The following ATG7 variants were observed in gnomAD, a reference collection of about 807,000 sequenced individuals.
ATG7 encodes autophagy related 7.
ATG7 carries 70 observed loss-of-function variants against 82.4 expected under a neutral mutation model. That is an observed-to-expected ratio of 0.85 (90% CI 0.70 to 1.04). ATG7 has a LOEUF of 1.04. ATG7 is among the 50% of genes least tolerant of loss of function. ATG7 has a pLI of 0.00. For synonymous variants in ATG7, 287 were observed against 313.0 expected, an observed-to-expected ratio of 0.92 and a Z score of 0.88; for missense variants, 792 against 864.3, an observed-to-expected ratio of 0.92 and a Z score of 1.05.
chr3:11,519,448 C>A (rs1457419588), intron 20 of ATG7, among the ~76,000 whole-genome samples: 1 of 139,022 alleles, frequency 7.2e-6, no homozygotes, highest in African/African-American at 2.6e-5. Context: ...CTGACTCTTT[C>A]TTTCTCAGTG....
chr3:11,366,489 A>G (rs1223861772), intron 18 of ATG7, among the ~76,000 whole-genome samples: 1 of 152,132 alleles, frequency 6.6e-6, no homozygotes, highest in African/African-American at 2.4e-5. Flanking sequence ...ATCATAAGGA[A>G]GCTGATCTCC....
rs116359432 is a variant in ATG7, at chr3:11,319,533, C to T, written c.678+4040C>T. 3.7e-3 allele frequency among the ~76,000 whole-genome samples: 568 copies of T among 152,322 alleles called. 7 individuals are homozygous for T. The highest frequency in any genetic ancestry group is 0.013 in the African/African-American group (544 of 41,582). On this transcript the variant is annotated intron_variant, in intron 9 of 20. Coordinates refer to ENST00000693202, the MANE Select transcript of ATG7 (RefSeq NM_001349232.2). ...CTTCTGGGTTATCTCATTGTGCCTA[C>T]AACTCCAGAAACCATTTCCTCCCAA...
chr3:11,422,272 T>TA (rs569447857), intron 19 of ATG7, among the ~76,000 whole-genome samples: 92 of 152,344 alleles, frequency 6.0e-4, no homozygotes, highest in African/African-American at 2.1e-3. Context: ...TCATCTATGT[T>TA]AAAAATCTGT....
At chr3:11,295,475 C>T (rs1161441627) in intron 3 of ATG7, among the ~76,000 whole-genome samples, 1 of 152,066 alleles carries the variant, frequency 6.6e-6, no homozygotes, top group Non-Finnish European at 1.5e-5. Flanking sequence ...ACTAACCTGC[C>T]CCACTGGAAC....
chr3:11,294,580 CA>C (rs1559340747), intron 3 of ATG7, among the ~76,000 whole-genome samples: 1 of 152,152 alleles, frequency 6.6e-6, no homozygotes, highest in East Asian at 1.9e-4. Context: ...AATTAAAAGC[CA>C]AAAAATATTT....
At chr3:11,343,714 G>A (rs954305476) in intron 13 of ATG7, among the ~76,000 whole-genome samples, 3 of 152,072 alleles carry the variant, frequency 2.0e-5, no homozygotes, top group African/African-American at 7.2e-5. Context: ...TGGATTGTTA[G>A]TTGTTTTAAT....
At chr3:11,473,932 T>C (rs1444917365) in intron 20 of ATG7, among the ~76,000 whole-genome samples, 1 of 152,210 alleles carries the variant, frequency 6.6e-6, no homozygotes, top group Non-Finnish European at 1.5e-5. Flanking sequence ...GTCCCCTGCT[T>C]TGTAGATCCC....
chr3:11,450,584 A>T (rs2085017161), intron 20 of ATG7, among the ~76,000 whole-genome samples: 1 of 152,188 alleles, frequency 6.6e-6, no homozygotes, highest in Non-Finnish European at 1.5e-5. Flanking sequence ...ACAACTGATG[A>T]TTGGAAGGTT....
intron 19 of ATG7, among the ~76,000 whole-genome samples, chr3:11,384,595 C>T (rs1288372238): frequency 3.3e-5 from 5 of 152,106 alleles, no homozygotes; most frequent in Admixed American, 6.6e-5. Flanking sequence ...TTGGTTATAG[C>T]CAGCCTGTCC....
chr3:11,277,685 A>G (rs1028266352), intron 1 of ATG7, among the ~76,000 whole-genome samples: 2 of 152,232 alleles, frequency 1.3e-5, no homozygotes, highest in Admixed American at 1.3e-4. Flanking sequence ...ATAAGGGTCT[A>G]TGTTCAGCAG....
chr3:11,564,816 G>T, the ATG7 span: 1 of 1,577,058 alleles, frequency 6.3e-7, no homozygotes, highest in Non-Finnish European at 8.6e-7. Context: ...CTCCCCCGGG[G>T]TCAGTGTGGG....
intron 14 of ATG7, among the ~76,000 whole-genome samples, chr3:11,357,462 C>T (rs911511113): frequency 2.0e-5 from 3 of 152,044 alleles, no homozygotes; most frequent in African/African-American, 7.2e-5. Flanking sequence ...ACTCCTGCCC[C>T]GATAAAAATA....
At chr3:11,405,885 C>T (rs1453445862) in intron 19 of ATG7, among the ~76,000 whole-genome samples, 1 of 152,164 alleles carries the variant, frequency 6.6e-6, no homozygotes, top group African/African-American at 2.4e-5. Context: ...TCCCAAAGTG[C>T]TAGGATTATA....
chr3:11,546,917 C>G (rs2071344024), intron 20 of ATG7, among the ~76,000 whole-genome samples: 1 of 152,260 alleles, frequency 6.6e-6, no homozygotes, highest in Non-Finnish European at 1.5e-5. Context: ...ATGCCATCCT[C>G]TCCCTAACTG....
rs539595577 is a variant in ATG7 at position 11,345,495 on chromosome 3, T to G, written c.1126-2382T>G. Reference sequence around the variant, plus strand: ...CTTTTACAGATGTTTCTGTGTTGACTCACCTTTTTAGATTTTGTACTGCTT... The same window carrying G: ...CTTTTACAGATGTTTCTGTGTTGACGCACCTTTTTAGATTTTGTACTGCTT... On this transcript the variant is annotated intron_variant, in intron 13 of 20. Transcript: ENST00000693202. 1.2e-4 allele frequency among the ~76,000 whole-genome samples: 18 copies of G among 152,356 alleles called. No individual in the cohort carries two copies. In the South Asian group the frequency reaches 3.5e-3, roughly 30 times the overall value.
intron 20 of ATG7, among the ~76,000 whole-genome samples, chr3:11,431,390 A>G (rs11707842): frequency 0.3 from 45,877 of 151,062 alleles, 7,502 homozygotes; most frequent in Admixed American, 0.41. Flanking sequence ...GGGCGGGGGG[A>G]AAAAAACAAC....
chr3:11,526,495 C>T (rs1341687325), intron 20 of ATG7, among the ~76,000 whole-genome samples: 1 of 152,152 alleles, frequency 6.6e-6, no homozygotes, highest in Admixed American at 6.5e-5. Flanking sequence ...AATTTATAAG[C>T]AATAGGATTA....
At chr3:11,377,284 A>G (rs2077491737) in intron 18 of ATG7, among the ~76,000 whole-genome samples, 1 of 152,226 alleles carries the variant, frequency 6.6e-6, no homozygotes. Context: ...GGTGAATTTG[A>G]AAGTCCTCAC....
chr3:11,276,047 A>G (rs1941714433), intron 1 of ATG7, among the ~76,000 whole-genome samples: 1 of 152,112 alleles, frequency 6.6e-6, no homozygotes, highest in Admixed American at 6.5e-5. Flanking sequence ...ACACTATTAC[A>G]CTAGTGTGCC....
Sources: gnomAD v4.1 joint callset for allele counts (sites outside exome capture counted in the v4.1 genomes callset) on GRCh38, gnomAD v4.1.1 for gene constraint, MANE v1.5 for transcripts, NCBI Gene and HGNC (gene_info 2026-07-23, HGNC 2026-07-21) for gene names.